SUB1: variants seen among roughly 807,000 people sequenced by gnomAD.
SUB1 encodes SUB1 regulator of transcription, also known as activated RNA polymerase II transcriptional coactivator p15.
A neutral mutation model predicts 16.9 loss-of-function variants in SUB1; 1 was observed. The observed-to-expected ratio is 0.06, with a 90% CI of 0.02 to 0.28. SUB1 has a LOEUF of 0.28. SUB1 is among the 10% of genes least tolerant of loss of function. The pLI is 1.00. For missense variants in SUB1, 84 were observed against 145.2 expected, an observed-to-expected ratio of 0.58 and a Z score of 2.16; for synonymous variants, 51 against 46.9, an observed-to-expected ratio of 1.09 and a Z score of -0.36.
In SUB1 at chr5:32,603,792, T is replaced by A. The variant is rs985085199; in HGVS notation, c.*2708T>A. 6.6e-6 allele frequency: 1 copy of A among 152,218 alleles called. No individual in the cohort carries two copies. Among genetic ancestry groups the A allele is most frequent in the Non-Finnish European group, 1.5e-5 (1 of 68,020 alleles). 9.4% of individuals were successfully genotyped at this position (152,218 alleles called of 1,614,324 possible). A position where few individuals can be genotyped will look rare whatever the true frequency, so the allele number is the denominator to read the frequency against. On this transcript the variant is annotated 3_prime_UTR_variant, in exon 5 of 5. Transcript: ENST00000265073. Reference sequence around the variant, plus strand: ...ATGTTAGCAGAATACTATAAAAGTTTGAAATTTTTAAAAAGTAAAAGTACT... The same window carrying A: ...ATGTTAGCAGAATACTATAAAAGTTAGAAATTTTTAAAAAGTAAAAGTACT...
chr5:32,598,055 CTTTT>C (rs201708118), intron 3 of SUB1: 2 of 59,988 alleles, frequency 3.3e-5, no homozygotes, highest in African/African-American at 1.1e-4. Flanking sequence ...AGCAATTCAA[CTTTT>C]TTATTTTTAT....
chr5:32,588,429 T>C lies in SUB1; in HGVS notation c.-1-83T>C, dbSNP rs184968591. 2.4e-6 allele frequency: 3 copies of C among 1,268,038 alleles called. No individual in the cohort carries two copies. In the East Asian group the frequency reaches 7.6e-5, roughly 32 times the overall value. 78.5% of individuals were successfully genotyped at this position (1,268,038 alleles called of 1,614,324 possible). On this transcript the variant is annotated intron_variant, in intron 1 of 4. Transcript: ENST00000265073. ...AATGAACCGTGGAACTTGTCCTTGA[T>C]TTTTTTCTTTGATTGGGGGAGAGCT...
intron 3 of SUB1, chr5:32,594,494 A>G (rs1738905779): frequency 7.7e-6 from 3 of 391,870 alleles, no homozygotes; most frequent in South Asian, 3.6e-5. Context: ...TAAAATGATT[A>G]TAACTGGTCA....
Position 32,602,133 on chromosome 5 carries a change from C to T in SUB1, c.*1049C>T. 2 of 436,784 alleles carry T rather than the reference C, an allele frequency of 4.6e-6. No homozygotes were observed. The highest frequency in any genetic ancestry group is 9.1e-6 in the Non-Finnish European group (2 of 219,076). The allele number at this position is 436,784 out of a possible 1,614,324, so 27.1% of individuals were successfully genotyped here. ...TAGAACAGACCAATGGCATTCTAGA[C>T]TTGATGATACTAAGTTTTAGCAGAC... On this transcript the variant is annotated 3_prime_UTR_variant, in exon 5 of 5. Coordinates refer to ENST00000265073, the MANE Select transcript of SUB1 (RefSeq NM_006713.4).
rs1739169183 is a variant in SUB1, at chr5:32,603,620, C to G, written c.*2536C>G. On this transcript the variant is annotated 3_prime_UTR_variant, in exon 5 of 5. Coordinates refer to ENST00000265073, the MANE Select transcript of SUB1 (RefSeq NM_006713.4). ...CCTAAGAACTTAAGAATACTCCTACCTCATTAGCTACTCAAGATGCTGTGA... is the reference window on the plus strand; with the variant it reads ...CCTAAGAACTTAAGAATACTCCTACGTCATTAGCTACTCAAGATGCTGTGA... 2 of 152,140 alleles carry G rather than the reference C, an allele frequency of 1.3e-5. No homozygotes were observed. Among genetic ancestry groups the G allele is most frequent in the Non-Finnish European group, 2.9e-5 (2 of 68,008 alleles). The allele number at this position is 152,140 out of a possible 1,614,324, so 9.4% of individuals were successfully genotyped here. A position where few individuals can be genotyped will look rare whatever the true frequency, so the allele number is the denominator to read the frequency against.
At chr5:32,600,622 T>A (rs1409994006) in intron 4 of SUB1, among the ~76,000 whole-genome samples, 12 of 149,784 alleles carry the variant, frequency 8.0e-5, no homozygotes, top group Non-Finnish European at 1.2e-4. Context: ...TTTTTTTTTT[T>A]AGATGGAGTC....
At position 32,603,579 on chromosome 5, in the gene SUB1, C is replaced by G. The variant is rs1739167993; in HGVS notation, c.*2495C>G. 2 of 152,160 alleles carry G rather than the reference C, an allele frequency of 1.3e-5. No individual in the cohort carries two copies. The highest frequency in any genetic ancestry group is 2.9e-5 in the Non-Finnish European group (2 of 67,998). The allele number at this position is 152,160 out of a possible 1,614,324, so 9.4% of individuals were successfully genotyped here. On this transcript the variant is annotated 3_prime_UTR_variant, in exon 5 of 5. Transcript: ENST00000265073. The stretch of plus-strand genomic sequence containing the variant: ...ATCTTTGTAATTTGATTGTCTTTTG[C>G]TTTGCTTCATTAATGCCTAAGAACT...
rs1739169501 is a variant in SUB1 at position 32,603,635 on chromosome 5, A to G, written c.*2551A>G. The stretch of plus-strand genomic sequence containing the variant: ...ATACTCCTACCTCATTAGCTACTCA[A>G]GATGCTGTGACGATCAAATCTATTC... On this transcript the variant is annotated 3_prime_UTR_variant, in exon 5 of 5. Coordinates refer to ENST00000265073, the MANE Select transcript of SUB1 (RefSeq NM_006713.4). The G allele has an allele frequency of 6.6e-6, 1 of 152,218 alleles. No homozygotes were observed. Among genetic ancestry groups the G allele is most frequent in the Non-Finnish European group, 1.5e-5 (1 of 68,008 alleles). 9.4% of individuals were successfully genotyped at this position (152,218 alleles called of 1,614,324 possible).
At position 32,599,182 on chromosome 5, in the gene SUB1, A is replaced by AAT. The variant is rs1367395622; in HGVS notation, c.304+114_304+115dup. 2.3e-4 allele frequency: 165 copies of AAT among 708,008 alleles called. 2 individuals are homozygous for AAT. The highest frequency in any genetic ancestry group is 1.4e-3 in the South Asian group (78 of 56,810). 43.9% of individuals were successfully genotyped at this position (708,008 alleles called of 1,614,324 possible). ...CACGGGGCAAGGAAGAGTCTTACTC[A>AAT]ATTGATTCTCTATCTTCTGTAGTTA... On this transcript the variant is annotated intron_variant, in intron 4 of 4. Coordinates refer to ENST00000265073, the MANE Select transcript of SUB1 (RefSeq NM_006713.4).
At chr5:32,591,198 A>T (rs1270865863) in intron 2 of SUB1, 3 of 162,018 alleles carry the variant, frequency 1.9e-5, no homozygotes, top group African/African-American at 7.2e-5. Context: ...TAAGTAACTG[A>T]CTAGCCTTAG....
intron 3 of SUB1, among the ~76,000 whole-genome samples, chr5:32,593,113 A>G (rs1738871816): frequency 6.6e-6 from 1 of 152,084 alleles, no homozygotes; most frequent in South Asian, 2.1e-4. Context: ...CCTGGGCTCA[A>G]ATGATCCTCC....
At chr5:32,588,724 T>C (rs1738738640) in intron 2 of SUB1, 140 bp downstream of exon 2, 1 of 770,752 alleles carries the variant, frequency 1.3e-6, no homozygotes. Context: ...GTTATCCTAC[T>C]TCTTTGGGAG....
intron 2 of SUB1, among the ~76,000 whole-genome samples, chr5:32,589,277 A>G (rs1181504496): frequency 6.6e-6 from 1 of 152,062 alleles, no homozygotes; most frequent in Non-Finnish European, 1.5e-5. Flanking sequence ...TGTAGGGACC[A>G]GGTATTGCTG....
At chr5:32,591,530 A>T in intron 2 of SUB1, 33 bp from the exon 3 acceptor site, 1 of 1,567,906 alleles carries the variant, frequency 6.4e-7, no homozygotes, top group Non-Finnish European at 8.6e-7. Context: ...TTTTATTTTT[A>T]TGTGTGCAAA....
chr5:32,591,736 T>C, intron 3 of SUB1, 51 bp downstream of exon 3: 1 of 1,501,872 alleles, frequency 6.7e-7, no homozygotes, highest in Non-Finnish European at 8.9e-7. Context: ...AGTCATGCTC[T>C]GTCACCCAGG....
Position 32,602,906 on chromosome 5 carries a change from G to T in SUB1, c.*1822G>T, listed in dbSNP as rs1471521453. 1 of 152,096 alleles carries T rather than the reference G, an allele frequency of 6.6e-6. No homozygotes were observed. Among genetic ancestry groups the T allele is most frequent in the Non-Finnish European group, 1.5e-5 (1 of 67,980 alleles). 9.4% of individuals were successfully genotyped at this position (152,096 alleles called of 1,614,324 possible). ...TGTGTCCTATTAACTTAATTGGATA[G>T]ATTTTTAAATATTTCTTATTTTTGG... On this transcript the variant is annotated 3_prime_UTR_variant, in exon 5 of 5. Transcript: ENST00000265073.
Position 32,599,327 on chromosome 5 carries a change from A to G in SUB1, c.304+258A>G, listed in dbSNP as rs1739058361. On this transcript the variant is annotated intron_variant, in intron 4 of 4. Coordinates refer to ENST00000265073, the MANE Select transcript of SUB1 (RefSeq NM_006713.4). ...AGTTGGCTGCTAATTTACTTGAACA[A>G]TTTTTAAAAAGGTTTATGCAATTCT... Among the ~76,000 whole-genome samples the G allele has an allele frequency of 2.0e-5, 3 of 152,210 alleles. No homozygotes were observed. The South Asian group carries it at 6.2e-4, about 31-fold the overall frequency.
At chr5:32,589,144 G>A (rs1258238196) in intron 2 of SUB1, among the ~76,000 whole-genome samples, 1 of 151,890 alleles carries the variant, frequency 6.6e-6, no homozygotes, top group African/African-American at 2.4e-5. Flanking sequence ...GCTGGAGTGT[G>A]GTGGCACCAT....
intron 2 of SUB1, 60 bp downstream of exon 2, chr5:32,588,644 T>C: frequency 6.6e-7 from 1 of 1,511,734 alleles, no homozygotes; most frequent in Non-Finnish European, 9.1e-7. Flanking sequence ...CATATCCCAT[T>C]CTGAAGGATA....
Sources: allele counts gnomAD v4.1 joint callset (sites outside exome capture counted in the v4.1 genomes callset), GRCh38; gene constraint gnomAD v4.1.1; transcripts MANE v1.5; gene names NCBI Gene and HGNC (gene_info 2026-07-23, HGNC 2026-07-21).